Variants in ZNF678 observed in about 807,000 individuals in gnomAD.
ZNF678 encodes hypothetical protein MGC42493.
In ZNF678, 5 loss-of-function variants were observed where a neutral mutation model predicts 3.0. The observed-to-expected ratio is 1.69, with a 90% CI of 0.88 to 3.56. The LOEUF (loss-of-function observed/expected upper bound fraction) is 3.56, where lower values mean the gene tolerates loss of function less well. Among genes scored for constraint, ZNF678 ranks in the 30% most tolerant of loss-of-function variants. ZNF678 has a pLI of 0.00. For synonymous variants in ZNF678, 218 were observed against 199.6 expected, an observed-to-expected ratio of 1.09 and a Z score of -0.78; for missense variants, 593 against 605.0, an observed-to-expected ratio of 0.98 and a Z score of 0.21.
intron 5 of ZNF678, among the ~76,000 whole-genome samples, chr1:227,668,592 T>C (rs1296249419): frequency 2.6e-5 from 4 of 152,202 alleles, no homozygotes; most frequent in Admixed American, 6.5e-5. Flanking sequence ...GAGTTGGGCA[T>C]GAGTATATGA....
intron 1 of ZNF678, among the ~76,000 whole-genome samples, chr1:227,620,226 A>T (rs1658246336): frequency 6.6e-6 from 1 of 152,120 alleles, no homozygotes; most frequent in Non-Finnish European, 1.5e-5. Flanking sequence ...TTAACATACA[A>T]AGTATGGAGT....
At chr1:227,599,687 A>G (rs1049332280) in intron 1 of ZNF678, among the ~76,000 whole-genome samples, 3 of 152,196 alleles carry the variant, frequency 2.0e-5, no homozygotes, top group African/African-American at 7.2e-5. Context: ...ATAATATCTG[A>G]AAATAGAACT....
At position 227,659,684 on chromosome 1, in the gene ZNF678, C is replaced by T. The variant is rs1291801316; in HGVS notation, c.*3856C>T. 2.6e-5 allele frequency: 4 copies of T among 152,176 alleles called. No individual in the cohort carries two copies. The highest frequency in any genetic ancestry group is 5.9e-5 in the Non-Finnish European group (4 of 68,000). 9.4% of individuals were successfully genotyped at this position (152,176 alleles called of 1,614,324 possible). On this transcript the variant is annotated 3_prime_UTR_variant, in exon 4 of 4. Coordinates refer to ENST00000343776, the MANE Select transcript of ZNF678 (RefSeq NM_001367909.1). Reference sequence around the variant, plus strand: ...TTCAGCTAAGTTTATGAAAAAGATGCAGACTCAGTATTTGGAGCATTGCTA... The same window carrying T: ...TTCAGCTAAGTTTATGAAAAAGATGTAGACTCAGTATTTGGAGCATTGCTA...
chr1:227,641,359 A>G (rs1315159889), intron 1 of ZNF678, among the ~76,000 whole-genome samples: 2 of 152,176 alleles, frequency 1.3e-5, no homozygotes, highest in African/African-American at 2.4e-5. Context: ...CCTGAACAAT[A>G]TATTTTTTAA....
chr1:227,661,853 C>T lies in ZNF678; in HGVS notation c.*6025C>T, dbSNP rs2102815426. 1 of 152,304 alleles carries T rather than the reference C, an allele frequency of 6.6e-6. No homozygotes were observed. The highest frequency in any genetic ancestry group is 1.9e-4 in the East Asian group (1 of 5,178). The allele number at this position is 152,304 out of a possible 1,614,324, so 9.4% of individuals were successfully genotyped here. ...AGCCTGCAAAGCTGAAGTCAGGAAC[C>T]CACCAGGATCTCCCTTCTCCCTAGC... is the stretch of plus-strand genomic sequence containing the variant. On this transcript the variant is annotated 3_prime_UTR_variant, in exon 4 of 4. Transcript: ENST00000343776.
intron 1 of ZNF678, among the ~76,000 whole-genome samples, chr1:227,631,354 T>A (rs1419746399): frequency 1.3e-5 from 2 of 152,244 alleles, no homozygotes; most frequent in Non-Finnish European, 2.9e-5. Flanking sequence ...GGGTCTGGGC[T>A]ACTGGATTCT....
chr1:227,646,433 TGGACA>T, intron 1 of ZNF678, 106 bp from the exon 2 acceptor site: 1 of 1,052,494 alleles, frequency 9.5e-7, no homozygotes, highest in South Asian at 1.3e-5. Context: ...AATGTCTTAC[TGGACA>T]GTTTCTGCCA....
At chr1:227,640,318 A>T (rs537336835) in intron 1 of ZNF678, among the ~76,000 whole-genome samples, 3 of 151,100 alleles carry the variant, frequency 2.0e-5, no homozygotes, top group Non-Finnish European at 2.9e-5. Context: ...AGCTGGGAAG[A>T]TGGCTGAGAA....
chr1:227,613,609 G>A (rs564599281), intron 1 of ZNF678, among the ~76,000 whole-genome samples: 1 of 152,338 alleles, frequency 6.6e-6, no homozygotes, highest in South Asian at 2.1e-4. Flanking sequence ...ATAAGTTAAT[G>A]TTGGCTGAAT....
At chr1:227,645,738 A>G (rs1322763684) in intron 1 of ZNF678, among the ~76,000 whole-genome samples, 7 of 152,238 alleles carry the variant, frequency 4.6e-5, no homozygotes, top group Non-Finnish European at 7.3e-5. Context: ...TTCTTGACCT[A>G]TGCTATCATA....
intron 1 of ZNF678, among the ~76,000 whole-genome samples, chr1:227,577,974 T>G (rs769228615): frequency 6.6e-5 from 10 of 152,332 alleles, no homozygotes; most frequent in South Asian, 4.1e-4. Flanking sequence ...TAAAAGGATC[T>G]TATTTCTTTT....
At chr1:227,648,303 TACAC>T (rs1200423417) in intron 2 of ZNF678, among the ~76,000 whole-genome samples, 3 of 152,210 alleles carry the variant, frequency 2.0e-5, no homozygotes, top group African/African-American at 7.2e-5. Flanking sequence ...TACTGGGGCA[TACAC>T]ACATACGCAT....
intron 1 of ZNF678, among the ~76,000 whole-genome samples, chr1:227,597,762 T>TTAAAGGATGACACTAAGCTCAG (rs1487101954): frequency 2.0e-5 from 3 of 152,026 alleles, no homozygotes; most frequent in Admixed American, 6.6e-5. Context: ...AAAAAGAAAA[T>TTAAAGGATGACACTAAGCTCAG]TAAAGGATGA....
downstream of ZNF678, among the ~76,000 whole-genome samples, chr1:227,663,681 T>C (rs756754298): frequency 2.6e-5 from 4 of 152,152 alleles, no homozygotes; most frequent in Non-Finnish European, 5.9e-5. Flanking sequence ...AAAAATGTCT[T>C]CTCTGATATT....
At chr1:227,570,672 G>GTT (rs36103120) in intron 1 of ZNF678, among the ~76,000 whole-genome samples, 3 of 146,240 alleles carry the variant, frequency 2.1e-5, no homozygotes, top group South Asian at 2.2e-4. Context: ...TGGCTGACTA[G>GTT]TTTTTTTTTT....
chr1:227,672,734 A>G (rs1323374895), intron 5 of ZNF678, among the ~76,000 whole-genome samples: 2 of 151,960 alleles, frequency 1.3e-5, no homozygotes, highest in East Asian at 1.9e-4. Flanking sequence ...TTGCAGGCTC[A>G]CTCTGGCTTC....
chr1:227,655,496 C>T lies in ZNF678; in HGVS notation c.1246C>T (p.Gln416Ter), dbSNP rs749546512. 8 of 1,611,772 alleles carry T rather than the reference C, an allele frequency of 5.0e-6. No individual in the cohort carries two copies. The highest frequency in any genetic ancestry group is 1.7e-5 in the Admixed American group (1 of 59,738). The stretch of plus-strand genomic sequence containing the variant: ...TGAAGAATGTGGGAAAGTTTTTAAA[C>T]AGTGCTCTCACCTAACTAGCCATAA... Reference protein sequence around the residue: ...KCEECGKVFKQCSHLTSHKRI... With the variant: ...KCEECGKVFK The change falls in exon 4 of 4, where the codon CAG becomes TAG. Residue 416 changes from glutamine to a stop codon, truncating the protein, a stop_gained. Transcript: ENST00000343776. LOFTEE classifies it low-confidence loss of function (END_TRUNC).
intron 1 of ZNF678, among the ~76,000 whole-genome samples, chr1:227,611,505 C>T (rs1317153556): frequency 6.6e-6 from 1 of 152,294 alleles, no homozygotes; most frequent in East Asian, 1.9e-4. Flanking sequence ...ACCTCTAATG[C>T]GTTCTAAGAT....
chr1:227,621,375 G>C (rs1658276966), intron 1 of ZNF678, among the ~76,000 whole-genome samples: 1 of 152,226 alleles, frequency 6.6e-6, no homozygotes, highest in Non-Finnish European at 1.5e-5. Flanking sequence ...CTCAGTGGAG[G>C]AGGTAAATGA....
Sources: allele counts gnomAD v4.1 joint callset (sites outside exome capture counted in the v4.1 genomes callset), GRCh38; gene constraint gnomAD v4.1.1; transcripts MANE v1.5; gene names NCBI Gene and HGNC (gene_info 2026-07-23, HGNC 2026-07-21).